Variants in OSBPL10 observed in about 807,000 individuals in gnomAD.
The protein encoded by OSBPL10 is oxysterol binding protein like 10.
A neutral mutation model predicts 81.7 loss-of-function variants in OSBPL10; 49 were observed. The observed-to-expected ratio is 0.60, with a 90% confidence interval of 0.48 to 0.76. The LOEUF is 0.76. Among genes scored for constraint, OSBPL10 ranks in the 30% least tolerant of loss-of-function variants. The pLI, the probability that OSBPL10 is intolerant of heterozygous loss-of-function variation, is 0.00. For synonymous variants in OSBPL10, 419 were observed against 383.6 expected (o/e 1.09, Z -1.08); for missense variants, 923 against 987.8 (o/e 0.93, Z 0.88).
At chr3:31,731,730 G>A (rs946474412) in intron 6 of OSBPL10, among the ~76,000 whole-genome samples, 5 of 152,126 alleles carry the variant, frequency 3.3e-5, no homozygotes, top group Middle Eastern at 3.4e-3. Context: ...CTCGTGATCC[G>A]TCTGCCTCAG....
intron 6 of OSBPL10, among the ~76,000 whole-genome samples, chr3:31,706,708 T>C (rs1696077342): frequency 6.6e-6 from 1 of 152,214 alleles, no homozygotes; most frequent in Non-Finnish European, 1.5e-5. Flanking sequence ...AATATCTTAA[T>C]TCTTCAATAC....
intron 4 of OSBPL10, among the ~76,000 whole-genome samples, chr3:31,820,071 CCT>C (rs1000188154): frequency 1.3e-5 from 2 of 152,136 alleles, no homozygotes; most frequent in Non-Finnish European, 2.9e-5. Flanking sequence ...AGCTAGTACA[CCT>C]CTCTTTGCCT....
chr3:31,712,553 G>C (rs1315658568), intron 6 of OSBPL10, among the ~76,000 whole-genome samples: 1 of 152,188 alleles, frequency 6.6e-6, no homozygotes, highest in Non-Finnish European at 1.5e-5. Context: ...TGGAGGAAGG[G>C]GCTGCAAGCC....
chr3:31,788,370 G>C (rs1002344470), intron 4 of OSBPL10, among the ~76,000 whole-genome samples: 1 of 152,178 alleles, frequency 6.6e-6, no homozygotes, highest in Non-Finnish European at 1.5e-5. Context: ...AGAAATGATA[G>C]AAGCCTCATT....
chr3:31,806,758 G>A (rs151120446), intron 4 of OSBPL10, among the ~76,000 whole-genome samples: 1 of 151,960 alleles, frequency 6.6e-6, no homozygotes, highest in African/African-American at 2.4e-5. Context: ...TGTGTGAGGA[G>A]GAGGCATTTG....
At chr3:31,879,922 T>C (rs1695509599) in intron 1 of OSBPL10, 92 bp from the exon 2 acceptor site, 2 of 1,308,290 alleles carry the variant, frequency 1.5e-6, no homozygotes, top group Non-Finnish European at 2.1e-6. Flanking sequence ...GAAGTCAACA[T>C]CAAGACTCCA....
At chr3:31,997,165 T>C (rs1699097483) in intron 2 of OSBPL10, among the ~76,000 whole-genome samples, 1 of 152,188 alleles carries the variant, frequency 6.6e-6, no homozygotes, top group Non-Finnish European at 1.5e-5. Flanking sequence ...GCATGCCCGA[T>C]TTATGTGCAC....
At chr3:31,983,949 A>C (rs909873436), upstream of OSBPL10, among the ~76,000 whole-genome samples, 3 of 152,240 alleles carry the variant, frequency 2.0e-5, no homozygotes, top group Non-Finnish European at 4.4e-5. Context: ...TAACAATTGT[A>C]GGGCCAGCCA....
intron 1 of OSBPL10, among the ~76,000 whole-genome samples, chr3:31,885,287 TCA>T (rs1318374873): frequency 6.6e-6 from 1 of 152,142 alleles, no homozygotes; most frequent in East Asian, 1.9e-4. Context: ...TTACACATGT[TCA>T]CACTCACATA....
At chr3:31,858,778 T>G (rs934498321) in intron 3 of OSBPL10, among the ~76,000 whole-genome samples, 3 of 152,190 alleles carry the variant, frequency 2.0e-5, no homozygotes, top group Non-Finnish European at 4.4e-5. Flanking sequence ...TGGATTATAC[T>G]GGAGCTTTCT....
chr3:31,914,251 C>G (rs975072384), intron 1 of OSBPL10, among the ~76,000 whole-genome samples: 11 of 152,072 alleles, frequency 7.2e-5, no homozygotes, highest in African/African-American at 2.7e-4. Context: ...CGGTCCTAAC[C>G]AAGATCAGTT....
intron 1 of OSBPL10, among the ~76,000 whole-genome samples, chr3:32,060,052 G>A (rs1345194448): frequency 6.6e-6 from 1 of 151,786 alleles, no homozygotes; most frequent in African/African-American, 2.4e-5. Flanking sequence ...ACACAGGTAC[G>A]AAATTATCTT....
chr3:31,663,797 C>T (rs1287116651), intron 11 of OSBPL10: 59 of 1,347,128 alleles, frequency 4.4e-5, no homozygotes, highest in Middle Eastern at 2.8e-4. Context: ...AGTCCCATCG[C>T]GATCCCTCAC....
chr3:32,068,458 T>C (rs1699798811), intron 1 of OSBPL10, among the ~76,000 whole-genome samples: 1 of 152,062 alleles, frequency 6.6e-6, no homozygotes, highest in African/African-American at 2.4e-5. Flanking sequence ...TCTTGCCTCC[T>C]TCACTATGGG....
rs191486568 is a variant in OSBPL10, at chr3:31,722,125, C to G, written c.1095+11132G>C. On this transcript the variant is annotated intron_variant, in intron 6 of 11. Coordinates refer to ENST00000396556, the MANE Select transcript of OSBPL10 (RefSeq NM_017784.5). The stretch of plus-strand genomic sequence containing the variant: ...CGCAACAATTTAACTGCCACCCCCT[C>G]AAAATACCCTTGAGACTTAGAAATT... Among the ~76,000 whole-genome samples the G allele has an allele frequency of 6.2e-4, 94 of 150,650 alleles. 1 individual carries two copies. The highest frequency in any genetic ancestry group is 2.2e-3 in the African/African-American group (89 of 39,992).
At chr3:31,960,198 G>A (rs1698121160) in intron 1 of OSBPL10, 1 of 152,090 alleles carries the variant, frequency 6.6e-6, no homozygotes, top group Admixed American at 6.6e-5. Flanking sequence ...GGCAGATAGG[G>A]AGTCTCAGAG....
intron 1 of OSBPL10, among the ~76,000 whole-genome samples, chr3:31,956,658 G>A (rs1318222912): frequency 6.6e-6 from 1 of 152,140 alleles, no homozygotes; most frequent in Non-Finnish European, 1.5e-5. Flanking sequence ...AACCTGGGAG[G>A]TGGAGGTTGC....
intron 8 of OSBPL10, among the ~76,000 whole-genome samples, chr3:31,674,274 G>A (rs1372518672): frequency 6.6e-6 from 1 of 152,058 alleles, no homozygotes; most frequent in Non-Finnish European, 1.5e-5. Context: ...AAGAGGCTAG[G>A]CCTGTGCAGT....
intron 2 of OSBPL10, among the ~76,000 whole-genome samples, chr3:32,039,907 A>T (rs1461870856): frequency 2.6e-5 from 4 of 152,174 alleles, no homozygotes; most frequent in Non-Finnish European, 5.9e-5. Context: ...TCACTCACGG[A>T]TAGGTGTGAA....
Sources: allele counts gnomAD v4.1 joint callset (sites outside exome capture counted in the v4.1 genomes callset), GRCh38; gene constraint gnomAD v4.1.1; transcripts MANE v1.5; gene names NCBI Gene and HGNC (gene_info 2026-07-23, HGNC 2026-07-21).